Variants in SRGAP3 observed in about 807,000 individuals in gnomAD.
The protein encoded by SRGAP3 is SLIT-ROBO Rho GTPase-activating protein 3.
In SRGAP3, 39 loss-of-function variants were observed where a neutral mutation model predicts 121.1. The ratio of observed to expected loss-of-function variants is 0.32; its 90% CI spans 0.25 to 0.42. SRGAP3 has a LOEUF of 0.42. Ranked by LOEUF, SRGAP3 falls within the 10% of genes least tolerant of loss-of-function variation. SRGAP3 has a pLI of 1.00. For synonymous variants in SRGAP3, 601 were observed against 570.0 expected, an observed-to-expected ratio of 1.05 and a Z score of -0.77; for missense variants, 1,213 against 1,470.6, an observed-to-expected ratio of 0.82 and a Z score of 2.86.
At chr3:9,311,149 G>T (rs531155282) in intron 3 of SRGAP3, among the ~76,000 whole-genome samples, 1 of 148,770 alleles carries the variant, frequency 6.7e-6, no homozygotes, top group African/African-American at 2.5e-5. Context: ...CAGCCTGGGC[G>T]ATAGAGCAAG....
At chr3:9,122,748 A>G (rs1268198059) in intron 2 of SRGAP3, among the ~76,000 whole-genome samples, 1 of 152,046 alleles carries the variant, frequency 6.6e-6, no homozygotes, top group Non-Finnish European at 1.5e-5. Flanking sequence ...GGGTAGAAAA[A>G]GAAGCACGGT....
intron 3 of SRGAP3, among the ~76,000 whole-genome samples, chr3:9,098,275 CT>C (rs2124887497): frequency 6.6e-6 from 1 of 152,280 alleles, no homozygotes; most frequent in African/African-American, 2.4e-5. Flanking sequence ...AACTACTTCA[CT>C]TTGTTTTAAT....
At chr3:9,306,935 T>C (rs962112367) in intron 3 of SRGAP3, among the ~76,000 whole-genome samples, 4 of 152,232 alleles carry the variant, frequency 2.6e-5, no homozygotes, top group Non-Finnish European at 5.9e-5. Context: ...CAAATATTTA[T>C]GTGTAATCAT....
chr3:9,070,770 T>C (rs1352893820), intron 4 of SRGAP3, among the ~76,000 whole-genome samples: 1 of 152,194 alleles, frequency 6.6e-6, no homozygotes, highest in Non-Finnish European at 1.5e-5. Context: ...CATCAATCAT[T>C]AAATATTTAT....
chr3:9,220,132 C>T (rs1166368426), intron 1 of SRGAP3, among the ~76,000 whole-genome samples: 1 of 152,028 alleles, frequency 6.6e-6, no homozygotes, highest in Non-Finnish European at 1.5e-5. Context: ...AATAGGGTGA[C>T]TATGGTTCAA....
chr3:9,006,523 A>G (rs986218223), intron 18 of SRGAP3, among the ~76,000 whole-genome samples: 1 of 152,154 alleles, frequency 6.6e-6, no homozygotes, highest in African/African-American at 2.4e-5. Context: ...AACGACATGG[A>G]TGAATCTCAG....
At chr3:9,204,312 C>G (rs1952184071) in intron 1 of SRGAP3, among the ~76,000 whole-genome samples, 1 of 152,234 alleles carries the variant, frequency 6.6e-6, no homozygotes, top group Non-Finnish European at 1.5e-5. Context: ...TGGACAGAGC[C>G]TTAGCCAGGA....
At chr3:9,262,534 C>CAAAAAAAAAAAAAAAAGAAAAAAAA (rs1954274833) in intron 3 of SRGAP3, among the ~76,000 whole-genome samples, 1 of 25,582 alleles carries the variant, frequency 3.9e-5, no homozygotes, top group African/African-American at 1.3e-4. Flanking sequence ...AAATGGAAAG[C>CAAAAAAAAAAAAAAAAGAAAAAAAA]AAAAAAAAAA....
chr3:9,202,679 T>G (rs990419970), intron 1 of SRGAP3, among the ~76,000 whole-genome samples: 5 of 152,188 alleles, frequency 3.3e-5, no homozygotes, highest in African/African-American at 1.2e-4. Flanking sequence ...CTGTCCACTC[T>G]GTGGGAACCC....
intron 4 of SRGAP3, among the ~76,000 whole-genome samples, chr3:9,073,568 T>C (rs537940522): frequency 6.6e-6 from 1 of 152,344 alleles, no homozygotes; most frequent in South Asian, 2.1e-4. Context: ...AACCCTGAGC[T>C]GGCCACCTGG....
At chr3:9,184,409 G>A (rs1951530393) in intron 1 of SRGAP3, among the ~76,000 whole-genome samples, 1 of 152,140 alleles carries the variant, frequency 6.6e-6, no homozygotes, top group Non-Finnish European at 1.5e-5. Context: ...AAGGTCTTTT[G>A]AGCGTCAGTT....
At chr3:9,048,124 C>T (rs1438703488) in intron 9 of SRGAP3, among the ~76,000 whole-genome samples, 1 of 152,270 alleles carries the variant, frequency 6.6e-6, no homozygotes, top group African/African-American at 2.4e-5. Context: ...AGGCCTAACC[C>T]CAGCCTGCTT....
intron 1 of SRGAP3, among the ~76,000 whole-genome samples, chr3:9,333,016 A>G (rs1226393803): frequency 6.6e-6 from 1 of 152,190 alleles, no homozygotes; most frequent in Admixed American, 6.5e-5. Context: ...CGCAACCACA[A>G]TGGCAGGGGG....
At chr3:9,182,394 G>A (rs533531651) in intron 1 of SRGAP3, among the ~76,000 whole-genome samples, 1 of 152,054 alleles carries the variant, frequency 6.6e-6, no homozygotes, top group Non-Finnish European at 1.5e-5. Flanking sequence ...GATACACAGT[G>A]GGGACACAGC....
chr3:9,350,573 C>T (rs968685096), intron 1 of SRGAP3, among the ~76,000 whole-genome samples: 3 of 152,168 alleles, frequency 2.0e-5, no homozygotes, highest in African/African-American at 7.2e-5. Context: ...TGAGTTGTAA[C>T]TATGTTTGAA....
At chr3:9,121,319 G>A (rs1234549369) in intron 2 of SRGAP3, among the ~76,000 whole-genome samples, 2 of 152,194 alleles carry the variant, frequency 1.3e-5, no homozygotes, top group East Asian at 3.9e-4. Context: ...ATTAAACCAA[G>A]AATCTTTACG....
intron 1 of SRGAP3, among the ~76,000 whole-genome samples, chr3:9,194,674 A>C (rs1951865934): frequency 6.6e-6 from 1 of 152,238 alleles, no homozygotes; most frequent in African/African-American, 2.4e-5. Flanking sequence ...ACCTTCTCCC[A>C]AAGTCAACAG....
rs534997493 is a variant in SRGAP3, at chr3:9,185,429, G to C, written c.68-60512C>G. ...AGGAAGAAGGAGCCATCTGTGAACT[G>C]GGCTGACTGTGGAAGGGAGGCATAT... On this transcript the variant is annotated intron_variant, in intron 1 of 21. Transcript: ENST00000383836. Among the ~76,000 whole-genome samples the C allele has an allele frequency of 2.3e-3, 346 of 152,292 alleles. 3 individuals carry two copies. The highest frequency in any genetic ancestry group is 7.9e-3 in the African/African-American group (329 of 41,572).
rs371981279 is a variant in SRGAP3, at chr3:9,328,605, A to C, written n.283+1923T>G. On this transcript the variant is annotated intron_variant and non_coding_transcript_variant, in intron 2 of 3. Coordinates refer to the SRGAP3 transcript ENST00000490889. Reference sequence around the variant, plus strand: ...ACCAAAGGTAACCTCCCAGGTGCTCAGAGAAAGGAAAATTTAAAATAGTTG... The same window carrying C: ...ACCAAAGGTAACCTCCCAGGTGCTCCGAGAAAGGAAAATTTAAAATAGTTG... Among the ~76,000 whole-genome samples, 7 of 152,346 alleles carry C rather than the reference A, an allele frequency of 4.6e-5. No individual in the cohort carries two copies. The South Asian group carries it at 1.2e-3, about 27-fold the overall frequency.
Sources: gnomAD v4.1 joint callset for allele counts (sites outside exome capture counted in the v4.1 genomes callset) on GRCh38, gnomAD v4.1.1 for gene constraint, MANE v1.5 for transcripts, NCBI Gene and HGNC (gene_info 2026-07-23, HGNC 2026-07-21) for gene names.